TET3: variants seen among roughly 807,000 people sequenced by gnomAD.
TET3 encodes the protein methylcytosine dioxygenase TET3.
TET3 carries 19 observed loss-of-function variants against 141.4 expected under a neutral mutation model. The observed-to-expected ratio is 0.13, with a 90% CI of 0.09 to 0.20. The LOEUF (loss-of-function observed/expected upper bound fraction) is 0.20. Among genes scored for constraint, TET3 ranks in the 10% least tolerant of loss-of-function variants. The pLI, the probability that TET3 is intolerant of heterozygous loss-of-function variation, is 1.00. For missense variants in TET3, 1,874 were observed against 2,356.9 expected, an observed-to-expected ratio of 0.80 and a Z score of 4.24; for synonymous variants, 1,043 against 980.9, an observed-to-expected ratio of 1.06 and a Z score of -1.18.
intron 2 of TET3, chr2:74,002,677 G>C (rs1684920089): frequency 7.3e-6 from 3 of 410,826 alleles, no homozygotes; most frequent in East Asian, 3.7e-5. Flanking sequence ...CCAGCCCCGC[G>C]GCGGGGAGGG....
intron 3 of TET3, among the ~76,000 whole-genome samples, chr2:74,027,443 C>T (rs1686435799): frequency 1.3e-5 from 2 of 151,238 alleles, no homozygotes; most frequent in Non-Finnish European, 1.5e-5. Context: ...CAGGATTGTG[C>T]AACCAACACC....
At chr2:74,063,408 A>G (rs981907560) in intron 4 of TET3, among the ~76,000 whole-genome samples, 12 of 152,132 alleles carry the variant, frequency 7.9e-5, no homozygotes, top group Non-Finnish European at 1.3e-4. Context: ...TTCCCCATCA[A>G]TCTTTAGTCA....
intron 2 of TET3, among the ~76,000 whole-genome samples, chr2:73,992,170 C>A (rs55777806): frequency 6.6e-6 from 1 of 152,156 alleles, no homozygotes; most frequent in Non-Finnish European, 1.5e-5. Context: ...TGGACAGACA[C>A]TGGGTCCCTG....
At chr2:74,092,810 C>G in intron 8 of TET3, 92 bp from the exon 9 acceptor site, 1 of 1,125,128 alleles carries the variant, frequency 8.9e-7, no homozygotes, top group Non-Finnish European at 1.3e-6. Flanking sequence ...CCAGCCTCCC[C>G]CACGATGCTT....
At chr2:74,094,660 A>C (rs1000619643) in intron 10 of TET3, among the ~76,000 whole-genome samples, 1 of 151,668 alleles carries the variant, frequency 6.6e-6, no homozygotes, top group Non-Finnish European at 1.5e-5. Flanking sequence ...CTTGGGCAGG[A>C]GTGGGGGGAG....
intron 4 of TET3, among the ~76,000 whole-genome samples, chr2:74,061,738 A>C (rs1478001340): frequency 1.5e-4 from 20 of 137,810 alleles, no homozygotes; most frequent in Non-Finnish European, 2.5e-4. Context: ...CTCACTTCTC[A>C]GACGGGGCGG....
At chr2:74,060,129 G>C (rs1688425039) in intron 4 of TET3, among the ~76,000 whole-genome samples, 1 of 152,210 alleles carries the variant, frequency 6.6e-6, no homozygotes, top group Non-Finnish European at 1.5e-5. Flanking sequence ...GCTCCCACCA[G>C]CATTGCTCCA....
chr2:74,102,389 A>G lies in TET3; in HGVS notation c.*213A>G. On this transcript the variant is annotated 3_prime_UTR_variant, in exon 12 of 12. Coordinates refer to ENST00000409262, the MANE Select transcript of TET3 (RefSeq NM_001287491.2). Reference sequence around the variant, plus strand: ...CCCCCACTTCCCCAGCACTTTGAAGAAGAAACTACGGCTGTCGGGTGATTT... The same window carrying G: ...CCCCCACTTCCCCAGCACTTTGAAGGAGAAACTACGGCTGTCGGGTGATTT... The G allele has an allele frequency of 1.6e-6, 1 of 619,844 alleles. No individual in the cohort carries two copies. The highest frequency in any genetic ancestry group is 2.3e-6 in the Non-Finnish European group (1 of 436,132). The allele number at this position is 619,844 out of a possible 1,614,324, so 38.4% of individuals were successfully genotyped here.
rs548025111 is a variant in TET3, at chr2:74,102,029, G to T, written c.5241G>T (p.Gly1747=). 373 of 1,560,204 alleles carry T rather than the reference G, an allele frequency of 2.4e-4. 7 individuals carry two copies. The South Asian group carries it at 4.2e-3, about 18-fold the overall frequency. The change falls in exon 12 of 12, where the codon GGG becomes GGT. Residue 1747 remains glycine (G), a synonymous_variant. Coordinates refer to ENST00000409262, the MANE Select transcript of TET3 (RefSeq NM_001287491.2). The part of the protein sequence containing the change: ...AKLYGKKRKW[G]GTVVAEPQQK... ...TCTACGGGAAGAAGCGCAAGTGGGG[G>T]GGCACTGTGGTTGCTGAGCCCCAGC...
chr2:74,055,913 C>G lies in TET3; in HGVS notation c.2494+7502C>G, dbSNP rs531354025. ...AGACTCTGCAGAGTCCCGATCAACA[C>G]GAAGGGCCTCAACAGGTGTGGCCCC... On this transcript the variant is annotated intron_variant, in intron 4 of 11. Transcript: ENST00000409262. Among the ~76,000 whole-genome samples the G allele has an allele frequency of 2.3e-3, 351 of 152,288 alleles. 1 individual carries two copies. Among genetic ancestry groups the G allele is most frequent in the African/African-American group, 7.7e-3 (320 of 41,552 alleles).
chr2:74,002,769 C>T (rs1311888108), intron 2 of TET3: 12 of 539,614 alleles, frequency 2.2e-5, no homozygotes, highest in African/African-American at 5.9e-5. Flanking sequence ...ATGGGAGGCC[C>T]GCCGGCCGAT....
At chr2:74,039,284 C>T (rs1016797845) in intron 3 of TET3, among the ~76,000 whole-genome samples, 1 of 152,198 alleles carries the variant, frequency 6.6e-6, no homozygotes, top group African/African-American at 2.4e-5. Flanking sequence ...AGAATTCTTC[C>T]CCTTCTTCCA....
At chr2:74,127,971 ATTGT>A in the TET3 span, among the ~76,000 whole-genome samples, 5 of 152,204 alleles carry the variant, frequency 3.3e-5, no homozygotes, top group African/African-American at 7.2e-5. Flanking sequence ...TAGTCAAAAT[ATTGT>A]TTGTTTTCTT....
Position 74,102,230 on chromosome 2 carries a change from G to A in TET3, c.*54G>A. 1 of 1,393,950 alleles carries A rather than the reference G, an allele frequency of 7.2e-7. No homozygotes were observed. Among genetic ancestry groups the A allele is most frequent in the Non-Finnish European group, 9.3e-7 (1 of 1,072,226 alleles). The allele number at this position is 1,393,950 out of a possible 1,614,324, so 86.3% of individuals were successfully genotyped here. A position where few individuals can be genotyped will look rare whatever the true frequency, so the allele number is the denominator to read the frequency against. ...CGGGCCTGGCCCGAGCTGTCTCTGT[G>A]GTGCTTTTGCCCTCATACCTGGGGG... On this transcript the variant is annotated 3_prime_UTR_variant, in exon 12 of 12. Coordinates refer to ENST00000409262, the MANE Select transcript of TET3 (RefSeq NM_001287491.2).
At chr2:73,994,897 A>G (rs988527853) in intron 2 of TET3, among the ~76,000 whole-genome samples, 3 of 151,778 alleles carry the variant, frequency 2.0e-5, no homozygotes, top group African/African-American at 7.3e-5. Flanking sequence ...TTAGCCTCCC[A>G]AAGCACTGGG....
chr2:74,000,585 T>A (rs1392294621), intron 2 of TET3, among the ~76,000 whole-genome samples: 4 of 152,132 alleles, frequency 2.6e-5, no homozygotes, highest in Non-Finnish European at 5.9e-5. Flanking sequence ...GGGAAGTCTC[T>A]GAGGCATGAA....
At chr2:74,122,025 T>TGTAA in the TET3 span, 1 of 152,104 alleles carries the variant, frequency 6.6e-6, no homozygotes, top group Non-Finnish European at 1.5e-5. Flanking sequence ...GTGTAAGGGG[T>TGTAA]GTAACCCCAG....
chr2:74,013,918 T>C (rs1474262733), intron 3 of TET3, among the ~76,000 whole-genome samples: 3 of 152,254 alleles, frequency 2.0e-5, no homozygotes, highest in Non-Finnish European at 4.4e-5. Context: ...ATATTTACTT[T>C]GTATTTTCCA....
downstream of TET3, among the ~76,000 whole-genome samples, chr2:74,113,041 A>T (rs56199245): frequency 7.5e-6 from 1 of 133,666 alleles, no homozygotes; most frequent in African/African-American, 2.8e-5. Context: ...AAAAACCCAC[A>T]GTTAACATCT....
Sources: allele counts gnomAD v4.1 joint callset (sites outside exome capture counted in the v4.1 genomes callset), GRCh38; gene constraint gnomAD v4.1.1; transcripts MANE v1.5; gene names NCBI Gene and HGNC (gene_info 2026-07-23, HGNC 2026-07-21).